Variants in SEMA6A observed in about 807,000 individuals in gnomAD.
SEMA6A encodes the protein semaphorin 6A.
A neutral mutation model predicts 96.8 loss-of-function variants in SEMA6A; 25 were observed. The observed-to-expected ratio is 0.26, with a 90% CI of 0.19 to 0.36. The LOEUF (loss-of-function observed/expected upper bound fraction) is 0.36. SEMA6A is among the 10% of genes least tolerant of loss of function. The pLI is 1.00. For missense variants in SEMA6A, 1,363 were observed against 1,323.1 expected, an observed-to-expected ratio of 1.03 and a Z score of -0.47; for synonymous variants, 612 against 518.0, an observed-to-expected ratio of 1.18 and a Z score of -2.46.
chr5:116,513,593 T>C (rs1758520315), intron 1 of SEMA6A, among the ~76,000 whole-genome samples: 1 of 148,404 alleles, frequency 6.7e-6, no homozygotes, highest in Non-Finnish European at 1.5e-5. Flanking sequence ...AACCTTCCTC[T>C]TGATTTTCTT....
intron 10 of SEMA6A, among the ~76,000 whole-genome samples, chr5:116,486,339 C>T (rs536155568): frequency 7.2e-5 from 11 of 152,166 alleles, no homozygotes; most frequent in Admixed American, 1.3e-4. Flanking sequence ...AGAGACAGGA[C>T]GAACATTCTT....
At chr5:116,547,137 TTAAA>T (rs1760220317) in intron 1 of SEMA6A, among the ~76,000 whole-genome samples, 1 of 152,212 alleles carries the variant, frequency 6.6e-6, no homozygotes, top group Non-Finnish European at 1.5e-5. Flanking sequence ...AAACAATTTT[TTAAA>T]AATCTATTAG....
intron 2 of SEMA6A, among the ~76,000 whole-genome samples, chr5:116,504,360 G>A (rs1758039444): frequency 6.6e-6 from 1 of 151,914 alleles, no homozygotes; most frequent in Non-Finnish European, 1.5e-5. Flanking sequence ...AGTTAAAATG[G>A]GTCCTCTATA....
chr5:116,449,464 G>T (rs1331256867), intron 18 of SEMA6A: 3 of 655,462 alleles, frequency 4.6e-6, no homozygotes, highest in Admixed American at 2.3e-5. Context: ...CCCACAACAC[G>T]CAACCTTAAA....
At chr5:116,496,842 T>G (rs1028373360) in intron 4 of SEMA6A, among the ~76,000 whole-genome samples, 3 of 152,238 alleles carry the variant, frequency 2.0e-5, no homozygotes, top group Non-Finnish European at 4.4e-5. Context: ...GCACAGGTTT[T>G]ATTAACTAAA....
chr5:116,488,069 A>C, intron 9 of SEMA6A, 39 bp downstream of exon 9: 1 of 1,351,964 alleles, frequency 7.4e-7, no homozygotes, highest in Non-Finnish European at 1.0e-6. Context: ...GGTTTCTGAA[A>C]ATGTTACAAA....
At chr5:116,541,505 G>A (rs958497830) in intron 1 of SEMA6A, among the ~76,000 whole-genome samples, 6 of 152,048 alleles carry the variant, frequency 3.9e-5, no homozygotes, top group East Asian at 1.9e-4. Flanking sequence ...TACTAAGTTC[G>A]CATTATTGTC....
chr5:116,480,302 A>C (rs772369414), intron 11 of SEMA6A, 25 bp from the exon 12 acceptor site: 26 of 1,611,984 alleles, frequency 1.6e-5, no homozygotes, highest in Non-Finnish European at 1.8e-5. Flanking sequence ...AGGGTGAGGA[A>C]GGAGGGAGCT....
chr5:116,546,212 TTAC>T (rs1760178239), intron 1 of SEMA6A, among the ~76,000 whole-genome samples: 1 of 152,242 alleles, frequency 6.6e-6, no homozygotes, highest in East Asian at 1.9e-4. Flanking sequence ...CTTGGGGCTC[TTAC>T]GCAAGTACTG....
chr5:116,518,349 G>A (rs1758762437), intron 1 of SEMA6A, among the ~76,000 whole-genome samples: 1 of 152,092 alleles, frequency 6.6e-6, no homozygotes, highest in African/African-American at 2.4e-5. Flanking sequence ...TTGGATACAA[G>A]GTTAATTACT....
At chr5:116,562,004 C>A (rs1171476755) in intron 1 of SEMA6A, among the ~76,000 whole-genome samples, 1 of 151,932 alleles carries the variant, frequency 6.6e-6, no homozygotes. Flanking sequence ...GTTACCTTTT[C>A]TCTTGGCTAC....
intron 1 of SEMA6A, among the ~76,000 whole-genome samples, chr5:116,567,664 G>A (rs925882567): frequency 3.3e-5 from 5 of 152,118 alleles, no homozygotes; most frequent in Non-Finnish European, 5.9e-5. Context: ...ACAAATCCAC[G>A]TGCATTGTCT....
Position 116,508,246 on chromosome 5 carries a change from A to T in SEMA6A, c.-38-3264T>A, listed in dbSNP as rs202132763. On this transcript the variant is annotated intron_variant, in intron 1 of 18. Coordinates refer to ENST00000343348, the MANE Select transcript of SEMA6A (RefSeq NM_020796.5). ...ATGCATTCACGCTGATAAATTTTTTAAAAATAATAAATTCTTTTCAATTAC... is the reference window on the plus strand; with the variant it reads ...ATGCATTCACGCTGATAAATTTTTTTAAAATAATAAATTCTTTTCAATTAC... The T allele has an allele frequency of 5.9e-5, 9 of 152,340 alleles. No homozygotes were observed. In the East Asian group the frequency reaches 1.5e-3, roughly 26 times the overall value. The allele number at this position is 152,340 out of a possible 1,614,324, so 9.4% of individuals were successfully genotyped here.
chr5:116,461,644 GA>G (rs899904042), intron 18 of SEMA6A, among the ~76,000 whole-genome samples: 1 of 152,176 alleles, frequency 6.6e-6, no homozygotes, highest in African/African-American at 2.4e-5. Flanking sequence ...GAAAGGAGCT[GA>G]AAAACTGTTT....
At chr5:116,573,420 C>T (rs1396117924) in intron 1 of SEMA6A, among the ~76,000 whole-genome samples, 1 of 149,824 alleles carries the variant, frequency 6.7e-6, no homozygotes, top group African/African-American at 2.5e-5. Flanking sequence ...CGGGCTATAT[C>T]CTTGCCGCTC....
chr5:116,571,462 A>C (rs998015275), intron 1 of SEMA6A, among the ~76,000 whole-genome samples: 1 of 152,234 alleles, frequency 6.6e-6, no homozygotes, highest in Non-Finnish European at 1.5e-5. Context: ...GCTTCTTTAC[A>C]TCAAGTTGAA....
chr5:116,482,414 T>G, intron 11 of SEMA6A, 30 bp downstream of exon 11: 1 of 1,604,410 alleles, frequency 6.2e-7, no homozygotes, highest in African/African-American at 1.3e-5. Context: ...TTCTAAAGTT[T>G]AAAATAGCCA....
chr5:116,552,491 C>T lies in SEMA6A; in HGVS notation c.-39+21694G>A, dbSNP rs369801971. Among the ~76,000 whole-genome samples the T allele has an allele frequency of 9.5e-4, 144 of 152,266 alleles. No homozygotes were observed. In the South Asian group the frequency reaches 0.014, roughly 15 times the overall value. ...ATTACCTGGCCACTTTCTGGGTCAA[C>T]TGATGATTTGCTAATAAATGAAATA... On this transcript the variant is annotated intron_variant, in intron 1 of 18. Coordinates refer to ENST00000343348, the MANE Select transcript of SEMA6A (RefSeq NM_020796.5).
At chr5:116,499,430 T>TGGGGGGG (rs1757765327) in intron 3 of SEMA6A, among the ~76,000 whole-genome samples, 1 of 11,986 alleles carries the variant, frequency 8.3e-5, no homozygotes, top group African/African-American at 3.1e-4. Flanking sequence ...GGCCGGGGGG[T>TGGGGGGG]GGGGTGCGGG....
Sources: allele counts gnomAD v4.1 joint callset (sites outside exome capture counted in the v4.1 genomes callset), GRCh38; gene constraint gnomAD v4.1.1; transcripts MANE v1.5; gene names NCBI Gene and HGNC (gene_info 2026-07-23, HGNC 2026-07-21).